Variants in PHACTR2 observed in about 807,000 individuals in gnomAD.
The protein encoded by PHACTR2 is chromosome 6 open reading frame 56.
Under a neutral mutation model 76.0 loss-of-function variants are expected in PHACTR2, and 30 were observed. The ratio of observed to expected loss-of-function variants is 0.39; its 90% CI spans 0.30 to 0.54. The LOEUF (loss-of-function observed/expected upper bound fraction) is 0.54, where lower values mean the gene tolerates loss of function less well. Among genes scored for constraint, PHACTR2 ranks in the 20% least tolerant of loss-of-function variants. PHACTR2 has a pLI of 0.61. For missense variants in PHACTR2, 696 were observed against 781.1 expected, an observed-to-expected ratio of 0.89 and a Z score of 1.30; for synonymous variants, 292 against 292.5, an observed-to-expected ratio of 1.00 and a Z score of 0.02.
At position 143,760,302 on chromosome 6, in the gene PHACTR2, A is replaced by G. The variant is rs1779404245; in HGVS notation, c.455-99A>G. 2 of 1,080,846 alleles carry G rather than the reference A, an allele frequency of 1.9e-6. No homozygotes were observed. The highest frequency in any genetic ancestry group is 2.6e-5 in the East Asian group (1 of 38,572). 67.0% of individuals were successfully genotyped at this position (1,080,846 alleles called of 1,614,324 possible). ...ACTCCATGCTGATTCTCAAGTACCA[A>G]GCAGACACGCTTTGTGTCACTATCG... On this transcript the variant is annotated intron_variant, in intron 4 of 12. Transcript: ENST00000440869. This position sits in a 1 kb window ranked among gnomAD's most constrained non-coding sequence, Gnocchi z 6.4.
chr6:143,681,354 C>T (rs2128453134), intron 1 of PHACTR2, among the ~76,000 whole-genome samples: 1 of 152,152 alleles, frequency 6.6e-6, no homozygotes, highest in East Asian at 1.9e-4. Context: ...TTACTAATGA[C>T]CTTGAGCATC....
At chr6:143,725,589 A>G (rs552851781) in intron 2 of PHACTR2, among the ~76,000 whole-genome samples, 2 of 151,856 alleles carry the variant, frequency 1.3e-5, no homozygotes, top group South Asian at 2.1e-4. Context: ...TGTTGTTTCA[A>G]GAATGTCATA....
rs1779452210 is a variant in PHACTR2, at chr6:143,761,919, G to C, written c.694+1279G>C. On this transcript the variant is annotated intron_variant, in intron 5 of 12. Transcript: ENST00000440869. The surrounding 1 kb of genome is among the most constrained non-coding windows in gnomAD (Gnocchi z 5.2). ...TATAACAGATCTCTGAATGCCAATA[G>C]ACATCCCTCTCCCTGTGCTCCTCAT... Among the ~76,000 whole-genome samples the C allele has an allele frequency of 6.6e-6, 1 of 152,120 alleles. No homozygotes were observed. The highest frequency in any genetic ancestry group is 6.5e-5 in the Admixed American group (1 of 15,276).
chr6:143,613,229 C>T (rs1776009229), intron 1 of PHACTR2, among the ~76,000 whole-genome samples: 1 of 152,292 alleles, frequency 6.6e-6, no homozygotes, highest in Admixed American at 6.5e-5. Flanking sequence ...CCCGCCTCGG[C>T]CTCCCGAAGT....
Position 143,696,657 on chromosome 6 carries a change from C to T in PHACTR2, c.47-15359C>T, listed in dbSNP as rs1283808813. Among the ~76,000 whole-genome samples the T allele has an allele frequency of 6.6e-6, 1 of 152,178 alleles. No individual in the cohort carries two copies. The highest frequency in any genetic ancestry group is 1.5e-5 in the Non-Finnish European group (1 of 68,030). On this transcript the variant is annotated intron_variant, in intron 1 of 12. Transcript: ENST00000440869. The surrounding 1 kb of genome is among the most constrained non-coding windows in gnomAD (Gnocchi z 4.1). ...ACTGGAAGCCCATGTTTTTCCTTTG[C>T]AGTACTCACAGGTCTGTGTTTATAT...
Position 143,664,550 on chromosome 6 carries a change from A to T in PHACTR2, c.14-47466A>T, listed in dbSNP as rs1333599558. Among the ~76,000 whole-genome samples, 1 of 152,102 alleles carries T rather than the reference A, an allele frequency of 6.6e-6. No individual in the cohort carries two copies. The highest frequency in any genetic ancestry group is 2.4e-5 in the African/African-American group (1 of 41,422). On this transcript the variant is annotated intron_variant, in intron 1 of 11. Transcript: ENST00000305766. The surrounding 1 kb of genome is among the most constrained non-coding windows in gnomAD (Gnocchi z 5.1). The stretch of plus-strand genomic sequence containing the variant: ...CTTTTGTTTAGTGATTTGGAAGCTT[A>T]TAGTTATATCTTTCTTACTATTTGA...
intron 1 of PHACTR2, among the ~76,000 whole-genome samples, chr6:143,668,672 T>C (rs6570571): frequency 0.45 from 68,106 of 152,040 alleles, 15,361 homozygotes; most frequent in South Asian, 0.59. Flanking sequence ...TAGAGGTGTT[T>C]ATAGTATTCT....
At chr6:143,792,830 G>A (rs1775724702) in intron 11 of PHACTR2, among the ~76,000 whole-genome samples, 1 of 152,170 alleles carries the variant, frequency 6.6e-6, no homozygotes, top group Non-Finnish European at 1.5e-5. Context: ...TGTCCCAAGA[G>A]AACCAGGTAA....
At chr6:143,669,935 G>A (rs952659175) in intron 1 of PHACTR2, among the ~76,000 whole-genome samples, 1 of 152,166 alleles carries the variant, frequency 6.6e-6, no homozygotes, top group Non-Finnish European at 1.5e-5. Flanking sequence ...GATGCAGTTT[G>A]TTCATAGTGT....
rs1281948211 is a variant in PHACTR2 at position 143,541,225 on chromosome 6, T to C, written c.217+4018T>C. Among the ~76,000 whole-genome samples the C allele has an allele frequency of 6.6e-6, 1 of 152,228 alleles. No homozygotes were observed. Among genetic ancestry groups the C allele is most frequent in the East Asian group, 1.9e-4 (1 of 5,194 alleles). ...TAAGTTTTAGACAGATCCTGTTCGG[T>C]ATTAAGGAGCTTTGATAACTTTTTA... On this transcript the variant is annotated intron_variant, in intron 1 of 11. Coordinates refer to the PHACTR2 transcript ENST00000367584. This position sits in a 1 kb window ranked among gnomAD's most constrained non-coding sequence, Gnocchi z 5.3.
In PHACTR2 at chr6:143,794,230, A is replaced by G. The variant is rs1409969649; in HGVS notation, c.1845+5320A>G. Among the ~76,000 whole-genome samples the G allele has an allele frequency of 6.6e-6, 1 of 151,608 alleles. No homozygotes were observed. Among genetic ancestry groups the G allele is most frequent in the Non-Finnish European group, 1.5e-5 (1 of 67,908 alleles). The stretch of plus-strand genomic sequence containing the variant: ...CTAAGACTATCAATGGTCTTAGTGT[A>G]TATTTTATTTTAGAATGAAAATAAC... On this transcript the variant is annotated intron_variant, in intron 11 of 12. Transcript: ENST00000440869. This position sits in a 1 kb window ranked among gnomAD's most constrained non-coding sequence, Gnocchi z 4.1.
chr6:143,558,205 A>G lies in PHACTR2; in HGVS notation c.217+20998A>G, dbSNP rs1775207023. 1 of 151,522 alleles carries G rather than the reference A, an allele frequency of 6.6e-6. No homozygotes were observed. The highest frequency in any genetic ancestry group is 1.5e-5 in the Non-Finnish European group (1 of 67,644). The allele number at this position is 151,522 out of a possible 1,614,324, so 9.4% of individuals were successfully genotyped here. On this transcript the variant is annotated intron_variant, in intron 1 of 11. Transcript: ENST00000367584. This position sits in a 1 kb window ranked among gnomAD's most constrained non-coding sequence, Gnocchi z 4.7. ...TGGACTTTGTTTGAATTCTTATTCA[A>G]AGTGTAAGAAAAAAAAGTTATCCTG... is the stretch of plus-strand genomic sequence containing the variant.
chr6:143,620,989 T>C (rs996810797), intron 1 of PHACTR2, among the ~76,000 whole-genome samples: 6 of 152,292 alleles, frequency 3.9e-5, no homozygotes, highest in East Asian at 3.9e-4. Flanking sequence ...GAAATTCCAA[T>C]AGAGGCTCAT....
At chr6:143,644,865 T>C (rs1776630815) in intron 1 of PHACTR2, among the ~76,000 whole-genome samples, 1 of 151,994 alleles carries the variant, frequency 6.6e-6, no homozygotes, top group South Asian at 2.1e-4. Context: ...GAACAGGTGG[T>C]GTTTGGTTAC....
rs1377102058 is a variant in PHACTR2, at chr6:143,772,675, G to A, written c.1432+218G>A. ...CACATGGCTGGATCTGGCCTTTGTC[G>A]ATGAGCTAGATGAGCTAGATGTGCT... On this transcript the variant is annotated intron_variant, in intron 7 of 12. Transcript: ENST00000440869. The surrounding 1 kb of genome is among the most constrained non-coding windows in gnomAD (Gnocchi z 5.4). Among the ~76,000 whole-genome samples the A allele has an allele frequency of 6.6e-6, 1 of 152,118 alleles. No individual in the cohort carries two copies. Among genetic ancestry groups the A allele is most frequent in the Non-Finnish European group, 1.5e-5 (1 of 68,012 alleles).
chr6:143,726,583 G>T (rs1207839883), intron 2 of PHACTR2, among the ~76,000 whole-genome samples: 1 of 152,122 alleles, frequency 6.6e-6, no homozygotes, highest in African/African-American at 2.4e-5. Context: ...CCATGCTGTA[G>T]CATGTGACAA....
In PHACTR2 at chr6:143,658,295, G is replaced by A. The variant is rs1476979964; in HGVS notation, c.13+49973G>A. Among the ~76,000 whole-genome samples the A allele has an allele frequency of 6.6e-6, 1 of 152,134 alleles. No individual in the cohort carries two copies. Among genetic ancestry groups the A allele is most frequent in the Admixed American group, 6.5e-5 (1 of 15,276 alleles). ...GAAATACACCTTCAAATTAACAAGG[G>A]AAATTCAGGTGAAACTTAAATATGA... On this transcript the variant is annotated intron_variant, in intron 1 of 11. Transcript: ENST00000305766. The surrounding 1 kb of genome is among the most constrained non-coding windows in gnomAD (Gnocchi z 4.1).
In PHACTR2 at chr6:143,801,226, G is replaced by A. The variant is rs7449665; in HGVS notation, c.1846-5831G>A. ...TTGTGGTGTATTCTCTGTATTTCCT[G>A]AATTTGAATGTTGGCCTCTCTTGCT... On this transcript the variant is annotated intron_variant, in intron 11 of 12. Transcript: ENST00000440869. The surrounding 1 kb of genome is among the most constrained non-coding windows in gnomAD (Gnocchi z 4.6). 0.11 allele frequency among the ~76,000 whole-genome samples: 17,212 copies of A among 152,142 alleles called. 1,332 individuals are homozygous for A. Among genetic ancestry groups the A allele is most frequent in the East Asian group, 0.3 (1,531 of 5,170 alleles).
chr6:143,724,395 G>T (rs1490468467), intron 2 of PHACTR2, among the ~76,000 whole-genome samples: 1 of 152,172 alleles, frequency 6.6e-6, no homozygotes, highest in Non-Finnish European at 1.5e-5. Flanking sequence ...GCCTCCCAAA[G>T]TGCTGGGATT....
Sources: gnomAD v4.1 joint callset for allele counts (sites outside exome capture counted in the v4.1 genomes callset) on GRCh38, gnomAD v4.1.1 for gene constraint, Gnocchi (gnomAD v3.1) non-coding constraint, MANE v1.5 for transcripts, NCBI Gene and HGNC (gene_info 2026-07-23, HGNC 2026-07-21) for gene names.